Variants in TNIK observed in about 807,000 individuals in gnomAD.
The protein encoded by TNIK is TRAF2 and NCK interacting kinase, also known as TRAF2 and NCK-interacting protein kinase.
Under a neutral mutation model 191.3 loss-of-function variants are expected in TNIK, and 49 were observed. The observed-to-expected ratio is 0.26, with a 90% CI of 0.20 to 0.32. TNIK has a LOEUF of 0.32. TNIK is among the 10% of genes least tolerant of loss of function. The pLI, the probability that TNIK is intolerant of heterozygous loss-of-function variation, is 1.00. For synonymous variants in TNIK, 594 were observed against 600.9 expected (o/e 0.99, Z 0.17); for missense variants, 1,155 against 1,702.3 (o/e 0.68, Z 5.66).
At chr3:171,347,073 GACAGAAA>G in intron 2 of TNIK, 1 of 1,456,216 alleles carries the variant, frequency 6.9e-7, no homozygotes, top group Non-Finnish European at 9.1e-7. Context: ...TGGTGGCAGA[GACAGAAA>G]ACAGAAGAGA....
At chr3:171,346,222 G>A (rs541581926) in intron 2 of TNIK, among the ~76,000 whole-genome samples, 30 of 152,208 alleles carry the variant, frequency 2.0e-4, no homozygotes, top group African/African-American at 7.0e-4. Flanking sequence ...TACTCTAAAA[G>A]CTTAACAATC....
chr3:171,332,666 C>T (rs1258777699), intron 2 of TNIK, among the ~76,000 whole-genome samples: 2 of 152,186 alleles, frequency 1.3e-5, no homozygotes, highest in African/African-American at 4.8e-5. Flanking sequence ...CCTCCTGATT[C>T]AGCTATAACC....
intron 2 of TNIK, among the ~76,000 whole-genome samples, chr3:171,358,478 C>G (rs1415330094): frequency 6.6e-6 from 1 of 152,090 alleles, no homozygotes; most frequent in Non-Finnish European, 1.5e-5. Flanking sequence ...GGAAACTGCC[C>G]CCAGGATTCA....
chr3:171,108,271 G>T (rs893078208), intron 19 of TNIK, 109 bp from the exon 20 acceptor site: 12 of 793,528 alleles, frequency 1.5e-5, no homozygotes, highest in Non-Finnish European at 2.2e-5. Flanking sequence ...TTACTCAGTG[G>T]ACACGTCATT....
chr3:171,363,211 A>G (rs1453779719), intron 2 of TNIK, among the ~76,000 whole-genome samples: 2 of 152,192 alleles, frequency 1.3e-5, no homozygotes, highest in Non-Finnish European at 2.9e-5. Context: ...CCCATATCTC[A>G]GGAGTGCTGA....
chr3:171,316,171 G>A (rs898665136), intron 2 of TNIK, among the ~76,000 whole-genome samples: 1 of 152,064 alleles, frequency 6.6e-6, no homozygotes, highest in Admixed American at 6.6e-5. Flanking sequence ...CCAGAGCACA[G>A]GCAGCATCCA....
intron 9 of TNIK, among the ~76,000 whole-genome samples, chr3:171,170,733 C>T (rs973525199): frequency 1.8e-4 from 28 of 152,150 alleles, no homozygotes; most frequent in South Asian, 4.2e-4. Context: ...ACACAGCATC[C>T]GCCTTTAGGA....
At chr3:171,457,229 G>A (rs1209112548) in intron 1 of TNIK, among the ~76,000 whole-genome samples, 1 of 152,192 alleles carries the variant, frequency 6.6e-6, no homozygotes, top group African/African-American at 2.4e-5. Flanking sequence ...GGTTGCTCTG[G>A]TTTAAATTAT....
chr3:171,226,157 G>T (rs1742937523), intron 3 of TNIK, among the ~76,000 whole-genome samples: 1 of 152,040 alleles, frequency 6.6e-6, no homozygotes. Context: ...GATAGAATCT[G>T]GATTTTTAAG....
intron 19 of TNIK, among the ~76,000 whole-genome samples, chr3:171,109,273 T>C (rs1725473318): frequency 2.0e-5 from 3 of 152,240 alleles, no homozygotes; most frequent in African/African-American, 7.2e-5. Context: ...GCAATTCTTC[T>C]ACCTCGGCCT....
chr3:171,458,380 G>T (rs1729021508), intron 1 of TNIK, among the ~76,000 whole-genome samples: 1 of 152,150 alleles, frequency 6.6e-6, no homozygotes, highest in South Asian at 2.1e-4. Flanking sequence ...TTCCACTCCA[G>T]GGAAATAGAC....
At chr3:171,448,800 C>T (rs1441636145) in intron 1 of TNIK, among the ~76,000 whole-genome samples, 3 of 152,034 alleles carry the variant, frequency 2.0e-5, no homozygotes, top group Non-Finnish European at 2.9e-5. Flanking sequence ...ATGTACAGAA[C>T]GTGCAGGTTT....
chr3:171,120,323 C>CTTTTTTT (rs397691045), intron 18 of TNIK, among the ~76,000 whole-genome samples: 1 of 136,406 alleles, frequency 7.3e-6, no homozygotes, highest in African/African-American at 2.8e-5. Flanking sequence ...TTTTTTCTTT[C>CTTTTTTT]TTTTTTTTTT....
intron 1 of TNIK, among the ~76,000 whole-genome samples, chr3:171,407,901 G>A (rs932694671): frequency 1.2e-4 from 18 of 152,082 alleles, no homozygotes; most frequent in African/African-American, 3.4e-4. Flanking sequence ...GCTGCTTCCC[G>A]TCTTCAATCC....
chr3:171,116,697 G>A (rs1004688051), intron 18 of TNIK, among the ~76,000 whole-genome samples: 2 of 141,096 alleles, frequency 1.4e-5, no homozygotes, highest in African/African-American at 5.2e-5. Context: ...GGGTTTGACT[G>A]GGTATTTCTG....
In TNIK at chr3:171,060,040, G is replaced by A. The variant is rs1717684860; in HGVS notation, c.*3841C>T. 6.6e-6 allele frequency among the ~76,000 whole-genome samples: 1 copy of A among 152,094 alleles called. No homozygotes were observed. The highest frequency in any genetic ancestry group is 1.5e-5 in the Non-Finnish European group (1 of 68,008). On this transcript the variant is annotated 3_prime_UTR_variant, in exon 33 of 33. Coordinates refer to ENST00000436636, the MANE Select transcript of TNIK (RefSeq NM_015028.4). Reference sequence around the variant, plus strand: ...AACTATTTTTTTTCTTAAAAATAATGTAGCACATCTTACATCTTAAAGCAA... The same window carrying A: ...AACTATTTTTTTTCTTAAAAATAATATAGCACATCTTACATCTTAAAGCAA...
chr3:171,142,573 G>A (rs932815953), intron 12 of TNIK, among the ~76,000 whole-genome samples: 6 of 152,344 alleles, frequency 3.9e-5, no homozygotes, highest in South Asian at 2.1e-4. Context: ...CACAGTGGAC[G>A]ATGGGATAGA....
intron 12 of TNIK, among the ~76,000 whole-genome samples, chr3:171,154,398 T>A (rs901170239): frequency 1.3e-5 from 2 of 152,080 alleles, no homozygotes; most frequent in Non-Finnish European, 2.9e-5. Context: ...CCTGAAAGAG[T>A]CTTGAAAGAA....
chr3:171,078,289 ATTAC>A (rs1053477830), intron 28 of TNIK, among the ~76,000 whole-genome samples: 2 of 151,932 alleles, frequency 1.3e-5, no homozygotes, highest in South Asian at 2.1e-4. Context: ...TAAAACTCTT[ATTAC>A]TTAGATTTTG....
Sources: gnomAD v4.1 joint callset for allele counts (sites outside exome capture counted in the v4.1 genomes callset) on GRCh38, gnomAD v4.1.1 for gene constraint, MANE v1.5 for transcripts, NCBI Gene and HGNC (gene_info 2026-07-23, HGNC 2026-07-21) for gene names.